Variants in TMEM40 observed in about 807,000 individuals in gnomAD.
TMEM40 encodes transmembrane protein 40.
In TMEM40, 34 loss-of-function variants were observed where a neutral mutation model predicts 40.8. The observed-to-expected ratio is 0.83, with a 90% CI of 0.63 to 1.11. The LOEUF (loss-of-function observed/expected upper bound fraction) is 1.11. Among genes scored for constraint, TMEM40 ranks in the 50% least tolerant of loss-of-function variants. TMEM40 has a pLI of 0.00. For synonymous variants in TMEM40, 106 were observed against 107.0 expected (o/e 0.99, Z 0.06); for missense variants, 296 against 280.2 (o/e 1.06, Z -0.40).
Position 12,736,772 on chromosome 3 carries a change from T to G in TMEM40, c.536A>C (p.Tyr179Ser). ...AGGGCACCTCCCCTCACCTGCGTAA[T>G]AGTGATAACACACCAGCAAGGCCCC... ...AIGALLVCYH[Y>S]YADWFMSLGV... The change falls in exon 9 of 12, where the codon TAT becomes TCT. Residue 179 changes from tyrosine (Y) to serine (S), a missense_variant. Tyr to Ser is a moderately radical substitution (Grantham distance 144). Transcript: ENST00000314124. 2 of 1,614,066 alleles carry G rather than the reference T, an allele frequency of 1.2e-6. No homozygotes were observed. Among genetic ancestry groups the G allele is most frequent in the African/African-American group, 2.7e-5 (2 of 75,024 alleles).
Position 12,733,728 on chromosome 3 carries a change from T to C in TMEM40, c.*1046A>G, listed in dbSNP as rs1306055461. 6.6e-6 allele frequency: 1 copy of C among 152,052 alleles called. No homozygotes were observed. The highest frequency in any genetic ancestry group is 1.5e-5 in the Non-Finnish European group (1 of 68,010). The allele number at this position is 152,052 out of a possible 1,614,324, so 9.4% of individuals were successfully genotyped here. On this transcript the variant is annotated 3_prime_UTR_variant, in exon 12 of 12. Coordinates refer to ENST00000314124, the MANE Select transcript of TMEM40 (RefSeq NM_018306.4). The stretch of plus-strand genomic sequence containing the variant: ...TATCAATCACATAGCATGGTGACCA[T>C]AGTTAATAACAATGTATTGTATACT...
intron 3 of TMEM40, among the ~76,000 whole-genome samples, chr3:12,747,137 CT>C (rs1273557893): frequency 6.6e-6 from 1 of 151,944 alleles, no homozygotes; most frequent in Non-Finnish European, 1.5e-5. Context: ...GATTTTGTGG[CT>C]TTGGGCCTTG....
intron 1 of TMEM40, among the ~76,000 whole-genome samples, chr3:12,753,197 T>TTCTC (rs1317831641): frequency 7.0e-6 from 1 of 142,440 alleles, no homozygotes; most frequent in African/African-American, 2.8e-5. Flanking sequence ...CCTTTTTTCT[T>TTCTC]TCTTTCTTTC....
chr3:12,736,888 TG>T (rs990017157), intron 8 of TMEM40, 53 bp from the exon 9 acceptor site: 91 of 1,611,388 alleles, frequency 5.6e-5, no homozygotes, highest in Non-Finnish European at 7.2e-5. Flanking sequence ...TCTCTTTTTT[TG>T]GGCAGAGGAG....
chr3:12,738,673 C>T (rs1391885197), intron 5 of TMEM40, 85 bp from the exon 6 acceptor site: 8 of 1,432,748 alleles, frequency 5.6e-6, no homozygotes, highest in African/African-American at 4.2e-5. Context: ...GGATCCTGCT[C>T]GGAGACTTCC....
chr3:12,768,848 G>A (rs1305750030), intron 1 of TMEM40, among the ~76,000 whole-genome samples: 1 of 150,520 alleles, frequency 6.6e-6, no homozygotes, highest in African/African-American at 2.4e-5. Flanking sequence ...GCAGGGGGCA[G>A]CGCTCATTGG....
In TMEM40 at chr3:12,744,062, C is replaced by T. The variant is rs879005987; in HGVS notation, c.212-73G>A. 4.1e-6 allele frequency: 6 copies of T among 1,460,006 alleles called. No homozygotes were observed. The Admixed American group carries it at 9.8e-5, about 24-fold the overall frequency. 90.4% of individuals were successfully genotyped at this position (1,460,006 alleles called of 1,614,324 possible). On this transcript the variant is annotated intron_variant, in intron 3 of 11. Transcript: ENST00000314124. The stretch of plus-strand genomic sequence containing the variant: ...GCTGGGAATGCGTTCATTCTGGTGG[C>T]CATTCTCAGAATTTAGTTTATGAGA...
intron 1 of TMEM40, among the ~76,000 whole-genome samples, chr3:12,753,106 C>T (rs2061490839): frequency 6.6e-6 from 1 of 152,144 alleles, no homozygotes; most frequent in African/African-American, 2.4e-5. Flanking sequence ...ATGGAACCAT[C>T]ACCGGGGGAA....
intron 1 of TMEM40, among the ~76,000 whole-genome samples, chr3:12,754,616 C>T (rs930466310): frequency 2.6e-5 from 4 of 152,232 alleles, no homozygotes; most frequent in Non-Finnish European, 5.9e-5. Context: ...AGGTGGCCCA[C>T]ATTCCACCAT....
intron 5 of TMEM40, among the ~76,000 whole-genome samples, chr3:12,740,693 A>G (rs1267829622): frequency 6.6e-6 from 1 of 151,942 alleles, no homozygotes; most frequent in African/African-American, 2.4e-5. Context: ...CCCTGTCTCT[A>G]CCAAAAATAC....
At chr3:12,758,693 AGG>A (rs894598501) in intron 1 of TMEM40, among the ~76,000 whole-genome samples, 3 of 152,178 alleles carry the variant, frequency 2.0e-5, no homozygotes, top group African/African-American at 4.8e-5. Flanking sequence ...CTGGCAGCCC[AGG>A]GTGGCTTCCT....
chr3:12,735,592 T>C lies in TMEM40; in HGVS notation c.645A>G (p.Gln215=), dbSNP rs755496353. ...GLVYRIHSVL[Q]GFIPLFQKFR... ...ACTTCTGGAAGAGGGGGATGAAGCCTTGGAGGACGCTGTGGATACGGTACA... is the reference window on the plus strand; with the variant it reads ...ACTTCTGGAAGAGGGGGATGAAGCCCTGGAGGACGCTGTGGATACGGTACA... Residue 215 remains glutamine (Q), a synonymous_variant, in exon 11 of 12, where the codon CAA becomes CAG. Transcript: ENST00000314124. The C allele has an allele frequency of 2.5e-6, 4 of 1,613,548 alleles. No individual in the cohort carries two copies. The highest frequency in any genetic ancestry group is 2.2e-5 in the East Asian group (1 of 44,854).
intron 5 of TMEM40, chr3:12,739,239 A>G (rs1347241131): frequency 2.6e-5 from 4 of 152,222 alleles, no homozygotes; most frequent in African/African-American, 7.2e-5. Context: ...ATGTACTACT[A>G]TGTAAGAAAA....
chr3:12,748,602 C>T (rs1453755747), intron 3 of TMEM40, 53 bp downstream of exon 3: 3 of 1,568,568 alleles, frequency 1.9e-6, no homozygotes, highest in East Asian at 2.2e-5. Context: ...GATTATTTCC[C>T]CATGTAAATC....
chr3:12,734,620 A>G lies in TMEM40; in HGVS notation c.*154T>C. The G allele has an allele frequency of 2.3e-6, 2 of 884,248 alleles. No homozygotes were observed. The highest frequency in any genetic ancestry group is 3.5e-6 in the Non-Finnish European group (2 of 577,074). The allele number at this position is 884,248 out of a possible 1,614,324, so 54.8% of individuals were successfully genotyped here. A position where few individuals can be genotyped will look rare whatever the true frequency, so the allele number is the denominator to read the frequency against. On this transcript the variant is annotated 3_prime_UTR_variant, in exon 12 of 12. Coordinates refer to ENST00000314124, the MANE Select transcript of TMEM40 (RefSeq NM_018306.4). The stretch of plus-strand genomic sequence containing the variant: ...AGATGCCCCTGCCCGGGCTGGTGCC[A>G]ACATTCAGACCACATGGAAGGAAAA...
At position 12,740,151 on chromosome 3, in the gene TMEM40, C is replaced by T. The variant is rs549052729; in HGVS notation, c.356-1563G>A. ...CTGTGCCACCCAGGCTGGAGTGCAG[C>T]GGCATGATCTCAGCTCACTGCAACC... On this transcript the variant is annotated intron_variant, in intron 5 of 11. Coordinates refer to ENST00000314124, the MANE Select transcript of TMEM40 (RefSeq NM_018306.4). Among the ~76,000 whole-genome samples, 302 of 150,194 alleles carry T rather than the reference C, an allele frequency of 2.0e-3. 3 individuals carry two copies. Among genetic ancestry groups the T allele is most frequent in the African/African-American group, 6.9e-3 (285 of 41,032 alleles).
intron 5 of TMEM40, among the ~76,000 whole-genome samples, chr3:12,742,144 C>T (rs931824535): frequency 2.0e-5 from 3 of 152,124 alleles, no homozygotes; most frequent in African/African-American, 7.2e-5. Context: ...GCAGGAGAAT[C>T]ACTTGAATTG....
At chr3:12,765,822 C>G (rs368946406) in intron 1 of TMEM40, among the ~76,000 whole-genome samples, 11 of 152,020 alleles carry the variant, frequency 7.2e-5, no homozygotes, top group Admixed American at 2.6e-4. Flanking sequence ...GCCCGCCTCC[C>G]AAAGTGCTGG....
At chr3:12,752,595 G>A (rs1183254835) in intron 1 of TMEM40, among the ~76,000 whole-genome samples, 1 of 151,948 alleles carries the variant, frequency 6.6e-6, no homozygotes, top group East Asian at 1.9e-4. Flanking sequence ...TCAGGAGATC[G>A]AGACCATCCT....
Sources: allele counts gnomAD v4.1 joint callset (sites outside exome capture counted in the v4.1 genomes callset), GRCh38; gene constraint gnomAD v4.1.1; transcripts MANE v1.5; gene names NCBI Gene and HGNC (gene_info 2026-07-23, HGNC 2026-07-21).